The following TTC7B variants were observed in gnomAD, a reference collection of about 807,000 sequenced individuals.
The protein encoded by TTC7B is tetratricopeptide repeat protein 7B.
In TTC7B, 28 loss-of-function variants were observed where a neutral mutation model predicts 106.8. The ratio of observed to expected loss-of-function variants is 0.26; its 90% CI spans 0.19 to 0.36. The LOEUF is 0.36. Ranked by LOEUF, TTC7B falls within the 10% of genes least tolerant of loss-of-function variation. TTC7B has a pLI of 1.00. For synonymous variants in TTC7B, 405 were observed against 430.6 expected (o/e 0.94, Z 0.74); for missense variants, 862 against 1,076.4 (o/e 0.80, Z 2.79).
Position 90,608,747 on chromosome 14 carries a change from T to A in TTC7B, c.1966+1995A>T, listed in dbSNP as rs1892757249. ...AGACTCTCAAGCACTCTAGGAAAAA[T>A]GTCCCAATGGGCAACGGGAAGAATG... On this transcript the variant is annotated intron_variant, in intron 17 of 19. Transcript: ENST00000328459. The surrounding 1 kb of genome is among the most constrained non-coding windows in gnomAD (Gnocchi z 5.1). Among the ~76,000 whole-genome samples, 1 of 152,116 alleles carries A rather than the reference T, an allele frequency of 6.6e-6. No individual in the cohort carries two copies. The highest frequency in any genetic ancestry group is 2.1e-4 in the South Asian group (1 of 4,826).
chr14:90,689,428 T>G, intron 7 of TTC7B, 112 bp downstream of exon 7: 1 of 942,388 alleles, frequency 1.1e-6, no homozygotes, highest in Non-Finnish European at 1.6e-6. Context: ...CACTTGTTCA[T>G]TTGATTTTCT....
At chr14:90,706,859 A>ACT (rs1261583709) in intron 5 of TTC7B, among the ~76,000 whole-genome samples, 1 of 151,962 alleles carries the variant, frequency 6.6e-6, no homozygotes, top group Non-Finnish European at 1.5e-5. Flanking sequence ...CTTAGCGAGA[A>ACT]CTCTCTCTCT....
intron 17 of TTC7B, among the ~76,000 whole-genome samples, chr14:90,597,626 C>G (rs1399599320): frequency 1.3e-5 from 2 of 152,010 alleles, no homozygotes; most frequent in Non-Finnish European, 2.9e-5. Flanking sequence ...CCATTGCACT[C>G]CAGCCTGGGC....
rs1890326909 is a variant in TTC7B, at chr14:90,757,044, G to A, written c.446-12122C>T. Among the ~76,000 whole-genome samples the A allele has an allele frequency of 6.6e-6, 1 of 152,102 alleles. No homozygotes were observed. The highest frequency in any genetic ancestry group is 6.5e-5 in the Admixed American group (1 of 15,276). ...TGAGCAGAATCCAGAATGGGAAGAG[G>A]CAGAAGAGATCATGGAGTCAGAGAC... is the stretch of plus-strand genomic sequence containing the variant. On this transcript the variant is annotated intron_variant, in intron 3 of 19. Transcript: ENST00000328459. The surrounding 1 kb of genome is among the most constrained non-coding windows in gnomAD (Gnocchi z 4.1).
chr14:90,718,028 T>C (rs1448120433), intron 5 of TTC7B, among the ~76,000 whole-genome samples: 1 of 152,228 alleles, frequency 6.6e-6, no homozygotes, highest in African/African-American at 2.4e-5. Flanking sequence ...CCCACACTCA[T>C]GTGTTATTTC....
intron 15 of TTC7B, among the ~76,000 whole-genome samples, chr14:90,626,167 A>T (rs1018504985): frequency 6.6e-6 from 1 of 152,202 alleles, no homozygotes; most frequent in African/African-American, 2.4e-5. Flanking sequence ...TTAAAAAGAA[A>T]AAAGACTTCC....
At chr14:90,543,175 T>G (rs1889677527) in intron 19 of TTC7B, among the ~76,000 whole-genome samples, 1 of 152,268 alleles carries the variant, frequency 6.6e-6, no homozygotes, top group Non-Finnish European at 1.5e-5. Context: ...TGAGATTCTT[T>G]TCTTTGAAAA....
At chr14:90,712,729 G>A (rs1888496311) in intron 5 of TTC7B, among the ~76,000 whole-genome samples, 1 of 151,798 alleles carries the variant, frequency 6.6e-6, no homozygotes, top group Non-Finnish European at 1.5e-5. Context: ...CAAAACGCTG[G>A]CAGGCTTTTT....
chr14:90,784,811 C>T (rs1891332200), intron 2 of TTC7B, among the ~76,000 whole-genome samples: 1 of 152,152 alleles, frequency 6.6e-6, no homozygotes, highest in Non-Finnish European at 1.5e-5. Context: ...GGCAAGATCC[C>T]TGTGTTGAGA....
Position 90,731,560 on chromosome 14 carries a change from C to T in TTC7B, c.577-1364G>A, listed in dbSNP as rs141834892. ...AGGTGGGCAACCCTTGCATGTGAAC[C>T]GGATCCCAGCATCTTATAGAAATTG... On this transcript the variant is annotated intron_variant, in intron 4 of 19. Coordinates refer to ENST00000328459, the MANE Select transcript of TTC7B (RefSeq NM_001010854.2). Among the ~76,000 whole-genome samples, 168 of 152,274 alleles carry T rather than the reference C, an allele frequency of 1.1e-3. 1 individual carries two copies. The highest frequency in any genetic ancestry group is 3.6e-3 in the African/African-American group (151 of 41,550).
At chr14:90,628,213 T>C (rs946868357) in intron 15 of TTC7B, among the ~76,000 whole-genome samples, 2 of 152,234 alleles carry the variant, frequency 1.3e-5, no homozygotes, top group African/African-American at 4.8e-5. Flanking sequence ...CAGGACATGT[T>C]TGAAAGCAAG....
At chr14:90,629,018 G>C (rs1246784933) in intron 15 of TTC7B, among the ~76,000 whole-genome samples, 5 of 152,266 alleles carry the variant, frequency 3.3e-5, no homozygotes, top group Non-Finnish European at 7.3e-5. Context: ...AGACTGGGAT[G>C]GTGCCATCTC....
Position 90,614,651 on chromosome 14 carries a change from T to G in TTC7B, c.1868+3278A>C, listed in dbSNP as rs1356847035. ...ATCACTGTTCTGCTACATATTCAAT[T>G]GGAAAAACTTGGGCAAGTTATTTAG... On this transcript the variant is annotated intron_variant, in intron 16 of 19. Transcript: ENST00000328459. 3.9e-5 allele frequency among the ~76,000 whole-genome samples: 6 copies of G among 152,244 alleles called. No homozygotes were observed. In the East Asian group the frequency reaches 1.2e-3, roughly 29 times the overall value.
rs1348411189 is a variant in TTC7B, at chr14:90,808,212, G to A, written c.121+7963C>T. Among the ~76,000 whole-genome samples, 2 of 152,194 alleles carry A rather than the reference G, an allele frequency of 1.3e-5. No individual in the cohort carries two copies. The highest frequency in any genetic ancestry group is 4.8e-5 in the African/African-American group (2 of 41,432). On this transcript the variant is annotated intron_variant, in intron 1 of 19. Coordinates refer to ENST00000328459, the MANE Select transcript of TTC7B (RefSeq NM_001010854.2). This position sits in a 1 kb window ranked among gnomAD's most constrained non-coding sequence, Gnocchi z 4.2. ...TGTAATCCCAGCACTTTGGGAGGCC[G>A]AGGGAAGAAGATCACTTGAGCCCAG...
intron 1 of TTC7B, among the ~76,000 whole-genome samples, chr14:90,810,014 T>C (rs2030813181): frequency 6.6e-6 from 1 of 152,234 alleles, no homozygotes; most frequent in East Asian, 1.9e-4. Flanking sequence ...TTGGCACTAT[T>C]ATTACAGGTT....
rs370750623 is a variant in TTC7B, at chr14:90,575,186, G to A, written c.2310+2920C>T. On this transcript the variant is annotated intron_variant, in intron 19 of 19. Transcript: ENST00000328459. This position sits in a 1 kb window ranked among gnomAD's most constrained non-coding sequence, Gnocchi z 5.2. ...GGGCTTGCAAACCAATCCACCTTCC[G>A]TGAGGGTAGAGACAGAACCTTTTGT... is the stretch of plus-strand genomic sequence containing the variant. Among the ~76,000 whole-genome samples the A allele has an allele frequency of 2.0e-5, 3 of 152,210 alleles. No homozygotes were observed. Among genetic ancestry groups the A allele is most frequent in the Admixed American group, 1.3e-4 (2 of 15,288 alleles).
At chr14:90,667,813 T>A (rs1025302980) in intron 9 of TTC7B, among the ~76,000 whole-genome samples, 28 of 152,168 alleles carry the variant, frequency 1.8e-4, no homozygotes, top group Admixed American at 1.8e-3. Context: ...GAAGGAGCCA[T>A]CCATTACCAG....
chr14:90,596,874 G>A (rs979386989), intron 17 of TTC7B, among the ~76,000 whole-genome samples: 1 of 152,176 alleles, frequency 6.6e-6, no homozygotes, highest in Admixed American at 6.5e-5. Context: ...TTCACTGTCT[G>A]AAATTCAGAA....
intron 3 of TTC7B, among the ~76,000 whole-genome samples, chr14:90,746,601 T>C (rs931243503): frequency 1.3e-5 from 2 of 152,224 alleles, no homozygotes; most frequent in Admixed American, 6.5e-5. Context: ...ATCTTTATTA[T>C]GTCCTTTCTT....
Sources: allele counts gnomAD v4.1 joint callset (sites outside exome capture counted in the v4.1 genomes callset), GRCh38; gene constraint gnomAD v4.1.1; non-coding constraint Gnocchi (gnomAD v3.1); transcripts MANE v1.5; gene names NCBI Gene and HGNC (gene_info 2026-07-23, HGNC 2026-07-21).